The following CHIC2 variants were observed in gnomAD, a reference collection of about 807,000 sequenced individuals.
The protein encoded by CHIC2 is cysteine rich hydrophobic domain 2.
Under a neutral mutation model 25.9 loss-of-function variants are expected in CHIC2, and 14 were observed. The ratio of observed to expected loss-of-function variants is 0.54; its 90% CI spans 0.36 to 0.85. CHIC2 has a LOEUF of 0.85. Among genes scored for constraint, CHIC2 ranks in the 40% least tolerant of loss-of-function variants. The pLI is 0.01. For synonymous variants in CHIC2, 70 were observed against 72.0 expected, an observed-to-expected ratio of 0.97 and a Z score of 0.14; for missense variants, 146 against 202.0, an observed-to-expected ratio of 0.72 and a Z score of 1.68.
chr4:54,091,848 C>T, the CHIC2 span, among the ~76,000 whole-genome samples: 2 of 152,202 alleles, frequency 1.3e-5, no homozygotes, highest in African/African-American at 2.4e-5. Flanking sequence ...CTCGCCTTCG[C>T]TCTTTACACG....
chr4:54,014,509 T>A (rs1482641122), intron 3 of CHIC2, among the ~76,000 whole-genome samples: 2 of 152,058 alleles, frequency 1.3e-5, no homozygotes, highest in Non-Finnish European at 2.9e-5. Flanking sequence ...AAAATGCAAA[T>A]GGCCTTTCAG....
At chr4:54,076,285 C>CAA in the CHIC2 span, among the ~76,000 whole-genome samples, 3 of 146,848 alleles carry the variant, frequency 2.0e-5, no homozygotes, top group African/African-American at 7.5e-5. Flanking sequence ...AAATCTGTCT[C>CAA]AAAAAAAAAA....
At chr4:54,069,982 G>A in the CHIC2 span, among the ~76,000 whole-genome samples, 3 of 152,218 alleles carry the variant, frequency 2.0e-5, no homozygotes, top group Non-Finnish European at 4.4e-5. Flanking sequence ...TTAGAATTGT[G>A]ATCAGTTCTG....
chr4:54,013,520 C>T (rs1038428943), intron 5 of CHIC2, among the ~76,000 whole-genome samples: 4 of 152,162 alleles, frequency 2.6e-5, no homozygotes, highest in African/African-American at 4.8e-5. Flanking sequence ...TGACTTGCTG[C>T]GTAACCAAAG....
At chr4:54,078,396 G>A in the CHIC2 span, among the ~76,000 whole-genome samples, 3 of 152,004 alleles carry the variant, frequency 2.0e-5, no homozygotes, top group Non-Finnish European at 4.4e-5. Flanking sequence ...TTTTGTTTCT[G>A]GATCATAATT....
At chr4:54,068,526 A>G (rs990091936), upstream of CHIC2, among the ~76,000 whole-genome samples, 2 of 152,248 alleles carry the variant, frequency 1.3e-5, no homozygotes, top group Admixed American at 1.3e-4. Flanking sequence ...CACATAGTTT[A>G]TGATATTTGA....
At chr4:54,072,100 C>T in the CHIC2 span, among the ~76,000 whole-genome samples, 1 of 152,024 alleles carries the variant, frequency 6.6e-6, no homozygotes, top group Non-Finnish European at 1.5e-5. Flanking sequence ...CTAGACCATC[C>T]TGGCCAACAT....
the CHIC2 span, chr4:54,087,593 GCACA>G: frequency 1.3e-6 from 1 of 777,928 alleles, no homozygotes; most frequent in Non-Finnish European, 1.9e-6. Flanking sequence ...GGTTTAAGGG[GCACA>G]CACCTACTGA....
At chr4:54,024,468 C>G (rs1018384378) in intron 3 of CHIC2, among the ~76,000 whole-genome samples, 1 of 152,182 alleles carries the variant, frequency 6.6e-6, no homozygotes, top group Non-Finnish European at 1.5e-5. Context: ...CCAGCTATCT[C>G]TATCACACTA....
the CHIC2 span, among the ~76,000 whole-genome samples, chr4:54,079,609 C>G: frequency 6.6e-6 from 1 of 151,726 alleles, no homozygotes; most frequent in South Asian, 2.1e-4. Flanking sequence ...GGCAAAGGAC[C>G]AGAATAGACA....
chr4:54,090,431 T>C, the CHIC2 span, among the ~76,000 whole-genome samples: 4 of 152,178 alleles, frequency 2.6e-5, no homozygotes, highest in African/African-American at 4.8e-5. Context: ...GTAATCTGCC[T>C]GCCTCGGCCT....
chr4:54,016,292 A>C (rs1001463018), intron 3 of CHIC2, among the ~76,000 whole-genome samples: 2 of 144,432 alleles, frequency 1.4e-5, no homozygotes, highest in Admixed American at 6.7e-5. Context: ...CCCATGCTAT[A>C]ATAAGAATAG....
At chr4:54,016,268 A>C (rs1346890464) in intron 3 of CHIC2, among the ~76,000 whole-genome samples, 1 of 152,004 alleles carries the variant, frequency 6.6e-6, no homozygotes, top group Non-Finnish European at 1.5e-5. Context: ...CCATCATTTC[A>C]TCAGAAGTTT....
the CHIC2 span, among the ~76,000 whole-genome samples, chr4:54,088,239 G>C: frequency 3.9e-5 from 6 of 151,930 alleles, no homozygotes; most frequent in African/African-American, 1.5e-4. Flanking sequence ...CTGCAAATCC[G>C]TCTATGTTGT....
At chr4:54,074,145 G>C in the CHIC2 span, among the ~76,000 whole-genome samples, 1 of 151,864 alleles carries the variant, frequency 6.6e-6, no homozygotes, top group Non-Finnish European at 1.5e-5. Flanking sequence ...GTGACAGTGA[G>C]AGATTCCATC....
chr4:54,038,840 A>T (rs1716475287), intron 3 of CHIC2, among the ~76,000 whole-genome samples: 1 of 152,106 alleles, frequency 6.6e-6, no homozygotes, highest in African/African-American at 2.4e-5. Context: ...TGGGCAACAC[A>T]GCAAGACCCT....
At chr4:54,086,085 C>G in the CHIC2 span, among the ~76,000 whole-genome samples, 1 of 152,022 alleles carries the variant, frequency 6.6e-6, no homozygotes, top group Non-Finnish European at 1.5e-5. Flanking sequence ...AGAACACTGA[C>G]ATTCTTCTTT....
intron 1 of CHIC2, among the ~76,000 whole-genome samples, chr4:54,063,748 T>G (rs1407552175): frequency 6.6e-6 from 1 of 152,246 alleles, no homozygotes; most frequent in Non-Finnish European, 1.5e-5. Flanking sequence ...GGAGCTTCGC[T>G]GCCAATTGTC....
intron 3 of CHIC2, among the ~76,000 whole-genome samples, chr4:54,031,016 A>C (rs1317998831): frequency 1.3e-5 from 2 of 151,786 alleles, no homozygotes; most frequent in Non-Finnish European, 2.9e-5. Flanking sequence ...TGTAGCTGGG[A>C]TTACAGGTGC....
Sources: allele counts gnomAD v4.1 joint callset (sites outside exome capture counted in the v4.1 genomes callset), GRCh38; gene constraint gnomAD v4.1.1; transcripts MANE v1.5; gene names NCBI Gene and HGNC (gene_info 2026-07-23, HGNC 2026-07-21).